The following SLC9B1 variants were observed in gnomAD, a reference collection of about 807,000 sequenced individuals.
SLC9B1 encodes solute carrier family 9 member B1.
SLC9B1 carries 32 observed loss-of-function variants against 51.7 expected under a neutral mutation model. The ratio of observed to expected loss-of-function variants is 0.62; its 90% CI spans 0.47 to 0.83. The LOEUF (loss-of-function observed/expected upper bound fraction) is 0.83, where lower values mean the gene tolerates loss of function less well. Ranked by LOEUF, SLC9B1 falls within the 40% of genes least tolerant of loss-of-function variation. SLC9B1 has a pLI of 0.00. For synonymous variants in SLC9B1, 145 were observed against 212.7 expected (o/e 0.68, Z 2.77); for missense variants, 406 against 613.2 (o/e 0.66, Z 3.57).
chr4:103,014,669 A>G (rs897959508), intron 1 of SLC9B1, among the ~76,000 whole-genome samples: 6 of 152,206 alleles, frequency 3.9e-5, no homozygotes, highest in Non-Finnish European at 8.8e-5. Flanking sequence ...TATACCATCA[A>G]TTATTGGATT....
rs192502485 is a variant in SLC9B1, at chr4:102,931,613, T to G, written c.829+511A>C. The stretch of plus-strand genomic sequence containing the variant: ...TGTGGAAATGTTTACTTTCACAATT[T>G]CTGTAGTGATATTCAAGACCAGATA... On this transcript the variant is annotated intron_variant, in intron 7 of 11. Transcript: ENST00000296422. 4.2e-3 allele frequency among the ~76,000 whole-genome samples: 621 copies of G among 149,310 alleles called. 3 individuals are homozygous for G. Among genetic ancestry groups the G allele is most frequent in the African/African-American group, 0.014 (574 of 39,860 alleles).
At chr4:102,992,240 A>C (rs559628984) in intron 1 of SLC9B1, among the ~76,000 whole-genome samples, 42 of 152,288 alleles carry the variant, frequency 2.8e-4, no homozygotes, top group Non-Finnish European at 3.7e-4. Flanking sequence ...TTTGAAGAAG[A>C]ATAAACTAGA....
intron 1 of SLC9B1, among the ~76,000 whole-genome samples, chr4:103,005,060 G>C (rs1169273757): frequency 6.6e-6 from 1 of 151,954 alleles, no homozygotes; most frequent in South Asian, 2.1e-4. Context: ...CTAGCAACAT[G>C]ATGACAGAAT....
intron 3 of SLC9B1, among the ~76,000 whole-genome samples, chr4:102,978,997 C>T (rs960431150): frequency 6.6e-6 from 1 of 152,110 alleles, no homozygotes; most frequent in Non-Finnish European, 1.5e-5. Context: ...AAATATGATG[C>T]TGTGAAAGGT....
At chr4:102,924,287 A>G (rs192867593) in intron 7 of SLC9B1, among the ~76,000 whole-genome samples, 44 of 152,336 alleles carry the variant, frequency 2.9e-4, no homozygotes, top group Admixed American at 8.5e-4. Flanking sequence ...GACAAACCTG[A>G]CATAAACGAG....
intron 3 of SLC9B1, among the ~76,000 whole-genome samples, chr4:102,950,414 T>C (rs551939347): frequency 6.6e-5 from 10 of 152,326 alleles, no homozygotes; most frequent in Non-Finnish European, 7.4e-5. Context: ...TCCATAGGTT[T>C]CTATAAAGGA....
At chr4:102,908,262 A>G (rs1201664131) in intron 9 of SLC9B1, among the ~76,000 whole-genome samples, 1 of 152,278 alleles carries the variant, frequency 6.6e-6, no homozygotes, top group Admixed American at 6.5e-5. Context: ...TGAATTGGTC[A>G]ATAAATAAAC....
intron 7 of SLC9B1, among the ~76,000 whole-genome samples, chr4:102,931,729 T>C (rs1344158683): frequency 6.6e-6 from 1 of 152,210 alleles, no homozygotes; most frequent in African/African-American, 2.4e-5. Context: ...TAGGTTGTCT[T>C]ATAATAGAGC....
intron 7 of SLC9B1, among the ~76,000 whole-genome samples, chr4:102,924,732 A>C (rs1438093565): frequency 6.6e-6 from 1 of 152,200 alleles, no homozygotes; most frequent in Admixed American, 6.6e-5. Context: ...ACCCCATCAA[A>C]AAGTAGGCAA....
chr4:102,956,319 A>G (rs1737811202), intron 3 of SLC9B1, among the ~76,000 whole-genome samples: 1 of 152,058 alleles, frequency 6.6e-6, no homozygotes. Context: ...ATTACTAAAA[A>G]AAAAAAAAAA....
At chr4:102,921,905 A>G (rs1735899461) in intron 7 of SLC9B1, among the ~76,000 whole-genome samples, 1 of 152,240 alleles carries the variant, frequency 6.6e-6, no homozygotes, top group South Asian at 2.1e-4. Context: ...ACCCAGATTC[A>G]TAAAGCAGGT....
intron 1 of SLC9B1, among the ~76,000 whole-genome samples, chr4:103,017,430 G>A (rs1741432222): frequency 6.6e-6 from 1 of 152,150 alleles, no homozygotes; most frequent in Non-Finnish European, 1.5e-5. Context: ...TCCATGGGTA[G>A]ATTTCCATGG....
chr4:102,970,226 G>A (rs1186088781), intron 3 of SLC9B1, among the ~76,000 whole-genome samples: 1 of 152,120 alleles, frequency 6.6e-6, no homozygotes, highest in Non-Finnish European at 1.5e-5. Flanking sequence ...AAATGTTAAG[G>A]GCAGCCAGAG....
At chr4:102,915,321 A>G (rs1345040024) in intron 7 of SLC9B1, among the ~76,000 whole-genome samples, 1 of 152,246 alleles carries the variant, frequency 6.6e-6, no homozygotes, top group Non-Finnish European at 1.5e-5. Flanking sequence ...TCTTTGGTAA[A>G]GGTAAATATA....
At chr4:102,984,498 C>A (rs79155496) in intron 3 of SLC9B1, among the ~76,000 whole-genome samples, 2 of 152,058 alleles carry the variant, frequency 1.3e-5, no homozygotes, top group Non-Finnish European at 2.9e-5. Flanking sequence ...TTAAGTATTT[C>A]GGGATGTTAA....
chr4:102,941,747 C>T (rs1023774477), intron 6 of SLC9B1, among the ~76,000 whole-genome samples: 3 of 147,068 alleles, frequency 2.0e-5, no homozygotes, highest in African/African-American at 5.0e-5. Flanking sequence ...AGAACTGGAA[C>T]AAGACAAGGA....
At chr4:102,896,248 C>A (rs573158928), downstream of SLC9B1, among the ~76,000 whole-genome samples, 204 of 152,242 alleles carry the variant, frequency 1.3e-3, no homozygotes, top group Middle Eastern at 0.017. Context: ...TGAGTGGTGG[C>A]CCCCTTGCCT....
intron 3 of SLC9B1, among the ~76,000 whole-genome samples, chr4:102,975,672 G>A (rs1312271408): frequency 1.5e-4 from 20 of 135,840 alleles, no homozygotes; most frequent in Admixed American, 2.5e-4. Flanking sequence ...GGGATCAAGC[G>A]ATTCTCCTGC....
At chr4:102,896,723 G>A (rs879329663), downstream of SLC9B1, 5 of 152,220 alleles carry the variant, frequency 3.3e-5, no homozygotes, top group Non-Finnish European at 7.3e-5. Flanking sequence ...GTTGCCTCCT[G>A]TCTCTATCAC....
Sources: gnomAD v4.1 joint callset for allele counts (sites outside exome capture counted in the v4.1 genomes callset) on GRCh38, gnomAD v4.1.1 for gene constraint, MANE v1.5 for transcripts, NCBI Gene and HGNC (gene_info 2026-07-23, HGNC 2026-07-21) for gene names.